Variants in PRKN observed in about 807,000 individuals in gnomAD.
PRKN encodes the protein parkin RBR E3 ubiquitin protein ligase.
PRKN carries 56 observed loss-of-function variants against 59.5 expected under a neutral mutation model. The observed-to-expected ratio is 0.94, with a 90% CI of 0.76 to 1.18. The LOEUF is 1.18. PRKN is among the 50% of genes most tolerant of loss of function. PRKN has a pLI of 0.00. For missense variants in PRKN, 657 were observed against 596.4 expected, an observed-to-expected ratio of 1.10 and a Z score of -1.06; for synonymous variants, 250 against 222.1, an observed-to-expected ratio of 1.13 and a Z score of -1.12.
intron 7 of PRKN, among the ~76,000 whole-genome samples, chr6:161,611,636 C>T (rs79176798): frequency 0.011 from 1,728 of 152,292 alleles, 30 homozygotes; most frequent in African/African-American, 0.04. Flanking sequence ...ACTAACCAGA[C>T]CTTCCCCTGT....
rs577234279 is a variant in PRKN, at chr6:161,474,611, C to T, written c.1083+74243G>A. Among the ~76,000 whole-genome samples, 227 of 147,288 alleles carry T rather than the reference C, an allele frequency of 1.5e-3. 1 individual carries two copies. The highest frequency in any genetic ancestry group is 2.8e-3 in the Non-Finnish European group (190 of 66,742). On this transcript the variant is annotated intron_variant, in intron 9 of 11. Transcript: ENST00000366898. ...GTTCACCATTACTTTTTTTTTTTTT[C>T]GGCAATGGAGTCTCGCTCTGTTGCC...
At chr6:162,706,004 A>C (rs774360109) in intron 1 of PRKN, among the ~76,000 whole-genome samples, 19 of 152,170 alleles carry the variant, frequency 1.2e-4, no homozygotes, top group Admixed American at 3.3e-4. Context: ...AGCCCCTGCT[A>C]ATCAACGGGA....
intron 4 of PRKN, among the ~76,000 whole-genome samples, chr6:162,091,515 A>G (rs1416663028): frequency 3.9e-5 from 6 of 152,178 alleles, no homozygotes; most frequent in African/African-American, 1.4e-4. Context: ...GCAGGGACCT[A>G]CGACCTACTA....
chr6:162,263,892 C>G lies in PRKN; in HGVS notation c.172-1127G>C, dbSNP rs187321637. On this transcript the variant is annotated intron_variant, in intron 2 of 11. Coordinates refer to ENST00000366898, the MANE Select transcript of PRKN (RefSeq NM_004562.3). Reference sequence around the variant, plus strand: ...TCACTTGAACGCCACCCCCACCCCCCCAACCAAAAAATAATATCTACTACA... The same window carrying G: ...TCACTTGAACGCCACCCCCACCCCCGCAACCAAAAAATAATATCTACTACA... Among the ~76,000 whole-genome samples, 81 of 151,642 alleles carry G rather than the reference C, an allele frequency of 5.3e-4. 1 individual carries two copies. In the East Asian group the frequency reaches 0.015, roughly 28 times the overall value.
intron 2 of PRKN, among the ~76,000 whole-genome samples, chr6:162,401,593 G>A (rs578133520): frequency 2.0e-5 from 3 of 152,138 alleles, no homozygotes; most frequent in South Asian, 2.1e-4. Context: ...GTTCAATTAC[G>A]GTTCCTACTG....
intron 7 of PRKN, among the ~76,000 whole-genome samples, chr6:161,753,713 G>T (rs1002252612): frequency 5.9e-5 from 9 of 152,192 alleles, no homozygotes; most frequent in South Asian, 4.1e-4. Context: ...GGGCGGGGGG[G>T]CTCGGCTTGG....
rs182702621 is a variant in PRKN at position 161,490,581 on chromosome 6, G to A, written c.1083+58273C>T. On this transcript the variant is annotated intron_variant, in intron 9 of 11. Transcript: ENST00000366898. ...AATTTTTGTATTTTTAGTAGAGATG[G>A]GGTTTCTTCATGTTGGCCAGGCTGG... Among the ~76,000 whole-genome samples the A allele has an allele frequency of 2.6e-3, 393 of 151,898 alleles. 2 individuals are homozygous for A. The highest frequency in any genetic ancestry group is 5.0e-3 in the Admixed American group (77 of 15,260).
intron 1 of PRKN, among the ~76,000 whole-genome samples, chr6:162,477,513 A>G (rs1350397545): frequency 6.6e-6 from 1 of 152,196 alleles, no homozygotes; most frequent in East Asian, 1.9e-4. Flanking sequence ...TGCAGTTGCT[A>G]CACAGGGTCA....
chr6:162,647,263 A>AT, intron 1 of PRKN, among the ~76,000 whole-genome samples: 1 of 152,212 alleles, frequency 6.6e-6, no homozygotes, highest in Admixed American at 6.5e-5. Context: ...TAAAGGTAGT[A>AT]TTTTGCTAAA....
intron 2 of PRKN, among the ~76,000 whole-genome samples, chr6:162,339,739 G>C (rs934594960): frequency 1.3e-5 from 2 of 151,918 alleles, no homozygotes; most frequent in East Asian, 1.9e-4. Flanking sequence ...GATGGTTGCC[G>C]TGTCTGTGTA....
intron 7 of PRKN, among the ~76,000 whole-genome samples, chr6:161,784,944 T>C (rs1790353603): frequency 6.6e-6 from 1 of 152,156 alleles, no homozygotes; most frequent in African/African-American, 2.4e-5. Flanking sequence ...GAAAGAAATA[T>C]TCATACACGC....
At chr6:161,657,247 C>T (rs1784381994) in intron 7 of PRKN, among the ~76,000 whole-genome samples, 1 of 152,206 alleles carries the variant, frequency 6.6e-6, no homozygotes, top group Non-Finnish European at 1.5e-5. Context: ...GACCTCACGG[C>T]TCTGGATCGC....
intron 2 of PRKN, among the ~76,000 whole-genome samples, chr6:162,424,867 G>A (rs1224414579): frequency 2.0e-5 from 3 of 152,016 alleles, no homozygotes; most frequent in Admixed American, 6.6e-5. Flanking sequence ...ACACAATTTT[G>A]CTGTGAACCC....
chr6:161,585,593 T>C (rs1413901189), intron 7 of PRKN, among the ~76,000 whole-genome samples: 2 of 152,196 alleles, frequency 1.3e-5, no homozygotes, highest in Non-Finnish European at 2.9e-5. Flanking sequence ...AGCGTTCAAA[T>C]TGTAGCTCAA....
chr6:161,890,529 C>T (rs766711670), intron 6 of PRKN, among the ~76,000 whole-genome samples: 12 of 152,102 alleles, frequency 7.9e-5, no homozygotes, highest in Non-Finnish European at 1.2e-4. Flanking sequence ...GGGCTGAAGA[C>T]GAAGAGGAGC....
chr6:162,640,451 G>T (rs2128224381), intron 1 of PRKN, among the ~76,000 whole-genome samples: 1 of 152,250 alleles, frequency 6.6e-6, no homozygotes, highest in African/African-American at 2.4e-5. Flanking sequence ...CACTAAAAAT[G>T]TTTCACTGCA....
intron 2 of PRKN, among the ~76,000 whole-genome samples, chr6:162,288,181 C>T (rs189925148): frequency 6.0e-4 from 92 of 152,292 alleles, no homozygotes; most frequent in African/African-American, 2.1e-3. Context: ...TGGTCCAGAG[C>T]CACTCTTCTG....
At chr6:162,488,723 A>G (rs1160139254) in intron 1 of PRKN, among the ~76,000 whole-genome samples, 2 of 152,248 alleles carry the variant, frequency 1.3e-5, no homozygotes, top group East Asian at 1.9e-4. Flanking sequence ...GCAGGCCCAC[A>G]TGGTGTTGGA....
chr6:161,602,117 T>C (rs1782130060), intron 7 of PRKN, among the ~76,000 whole-genome samples: 1 of 152,086 alleles, frequency 6.6e-6, no homozygotes, highest in East Asian at 1.9e-4. Context: ...TCTATCTATC[T>C]ATCTATCTAT....
Sources: allele counts gnomAD v4.1 joint callset (sites outside exome capture counted in the v4.1 genomes callset), GRCh38; gene constraint gnomAD v4.1.1; transcripts MANE v1.5; gene names NCBI Gene and HGNC (gene_info 2026-07-23, HGNC 2026-07-21).